Variants in NTRK3 observed in about 807,000 individuals in gnomAD.
The protein encoded by NTRK3 is NT-3 growth factor receptor.
In NTRK3, 24 loss-of-function variants were observed where a neutral mutation model predicts 91.7. The observed-to-expected ratio is 0.26, with a 90% CI of 0.19 to 0.37. The LOEUF (loss-of-function observed/expected upper bound fraction) is 0.37. Ranked by LOEUF, NTRK3 falls within the 10% of genes least tolerant of loss-of-function variation. The pLI is 1.00. For synonymous variants in NTRK3, 483 were observed against 404.0 expected, an observed-to-expected ratio of 1.20 and a Z score of -2.34; for missense variants, 880 against 1,068.9, an observed-to-expected ratio of 0.82 and a Z score of 2.46.
At chr15:87,963,903 G>C (rs1047698991) in intron 14 of NTRK3, among the ~76,000 whole-genome samples, 7 of 152,080 alleles carry the variant, frequency 4.6e-5, no homozygotes, top group African/African-American at 1.7e-4. Flanking sequence ...CATTTATTTA[G>C]TTTCAATATA....
exon 19 of NTRK3, chr15:87,872,516 C>T (rs963647743): frequency 1.7e-5 from 4 of 228,604 alleles, no homozygotes; most frequent in African/African-American, 8.9e-5. Flanking sequence ...GCAGGCCTCT[C>T]TCCATATCTT....
intron 13 of NTRK3, among the ~76,000 whole-genome samples, chr15:88,106,888 G>A (rs538137015): frequency 1.2e-4 from 18 of 150,816 alleles, no homozygotes; most frequent in African/African-American, 3.2e-4. Context: ...AGCTGAGATC[G>A]CACCACTGCA....
chr15:88,175,929 G>A (rs919853159), intron 5 of NTRK3, among the ~76,000 whole-genome samples: 2 of 152,112 alleles, frequency 1.3e-5, no homozygotes, highest in Non-Finnish European at 2.9e-5. Context: ...GTGGGTTAGA[G>A]GCAATAGCTT....
chr15:88,203,173 C>T (rs1442958225), intron 3 of NTRK3, among the ~76,000 whole-genome samples: 4 of 152,190 alleles, frequency 2.6e-5, no homozygotes, highest in South Asian at 4.2e-4. Context: ...ACACACTCTT[C>T]CTGACTTCCC....
chr15:88,063,451 C>G (rs1004705159), intron 13 of NTRK3, among the ~76,000 whole-genome samples: 1 of 152,230 alleles, frequency 6.6e-6, no homozygotes. Context: ...AGCCCAGAAG[C>G]CACTTTTCTC....
chr15:87,872,256 AATCTCAAG>A lies in NTRK3; in HGVS notation c.*4671_*4678del, dbSNP rs202224006. ...CGAGCAAAGCACTAAAAAGACCCTT[AATCTCAAG>A]ACTGTCCATTGCAATCACTGTACTT... is the stretch of plus-strand genomic sequence containing the variant. On this transcript the variant is annotated 3_prime_UTR_variant, in exon 19 of 19. Coordinates refer to ENST00000394480, the Ensembl canonical transcript of NTRK3. 2.9e-3 allele frequency: 638 copies of A among 219,620 alleles called. 2 individuals carry two copies. The highest frequency in any genetic ancestry group is 0.012 in the African/African-American group (551 of 44,720). 13.6% of individuals were successfully genotyped at this position (219,620 alleles called of 1,614,324 possible).
At chr15:88,106,160 T>A (rs1446061359) in intron 13 of NTRK3, among the ~76,000 whole-genome samples, 1 of 152,240 alleles carries the variant, frequency 6.6e-6, no homozygotes. Flanking sequence ...GCCTCTGAAA[T>A]GCCCCACAGT....
chr15:88,010,668 T>C (rs889192366), intron 14 of NTRK3, among the ~76,000 whole-genome samples: 13 of 152,166 alleles, frequency 8.5e-5, no homozygotes, highest in African/African-American at 2.9e-4. Context: ...ATGCATTATA[T>C]TTTTGTCCAC....
chr15:88,088,920 TA>T (rs2048753974), intron 13 of NTRK3, among the ~76,000 whole-genome samples: 1 of 152,148 alleles, frequency 6.6e-6, no homozygotes, highest in South Asian at 2.1e-4. Context: ...AAAATGGAAC[TA>T]AAAATATTAC....
chr15:87,862,317 CT>C, exon 19 of NTRK3: 3 of 224,472 alleles, frequency 1.3e-5, no homozygotes, highest in Non-Finnish European at 1.8e-5. Flanking sequence ...CTCTGTCCTA[CT>C]TTTTCCACCT....
intron 14 of NTRK3, among the ~76,000 whole-genome samples, chr15:87,963,433 ATCTCAT>A (rs1412299107): frequency 2.6e-5 from 4 of 152,214 alleles, no homozygotes; most frequent in Admixed American, 1.3e-4. Flanking sequence ...ACTGTGGGGA[ATCTCAT>A]TCTCATATAT....
intron 14 of NTRK3, among the ~76,000 whole-genome samples, chr15:88,001,251 A>G (rs2076080100): frequency 6.6e-6 from 1 of 152,152 alleles, no homozygotes; most frequent in Non-Finnish European, 1.5e-5. Flanking sequence ...CCCTTATCAG[A>G]TATGATTTAC....
chr15:87,867,717 C>G lies in NTRK3; in HGVS notation c.*9218G>C, dbSNP rs545929036. ...TCACGTTCTAATTCAATTTGAGTGT[C>G]TGAGCTTCATATCTGACTACTTGTT... is the stretch of plus-strand genomic sequence containing the variant. On this transcript the variant is annotated 3_prime_UTR_variant, in exon 19 of 19. Transcript: ENST00000394480. 4.4e-5 allele frequency: 10 copies of G among 228,864 alleles called. No homozygotes were observed. In the East Asian group the frequency reaches 5.6e-4, roughly 13 times the overall value. 14.2% of individuals were successfully genotyped at this position (228,864 alleles called of 1,614,324 possible).
intron 17 of NTRK3, among the ~76,000 whole-genome samples, chr15:87,908,730 A>G (rs1170290772): frequency 2.6e-5 from 4 of 152,206 alleles, no homozygotes; most frequent in Non-Finnish European, 5.9e-5. Context: ...TTTGTCCTGC[A>G]TCATTAGGGA....
chr15:88,108,314 C>A (rs1567423859), intron 13 of NTRK3, among the ~76,000 whole-genome samples: 1 of 152,236 alleles, frequency 6.6e-6, no homozygotes, highest in Non-Finnish European at 1.5e-5. Flanking sequence ...CTGTCACTAC[C>A]TGCCCGGAGT....
At chr15:88,221,848 C>T (rs955305459) in intron 3 of NTRK3, among the ~76,000 whole-genome samples, 4 of 152,052 alleles carry the variant, frequency 2.6e-5, no homozygotes, top group African/African-American at 4.8e-5. Context: ...CTGTTGAGAC[C>T]GATTAGGCTG....
At chr15:88,122,837 A>G (rs546976633) in intron 13 of NTRK3, among the ~76,000 whole-genome samples, 1 of 152,246 alleles carries the variant, frequency 6.6e-6, no homozygotes, top group Non-Finnish European at 1.5e-5. Context: ...TATAAGCTGT[A>G]CTTTTTTTAT....
At chr15:88,146,910 T>C (rs1449062981) in intron 6 of NTRK3, among the ~76,000 whole-genome samples, 2 of 152,146 alleles carry the variant, frequency 1.3e-5, no homozygotes, top group African/African-American at 4.8e-5. Context: ...TCCTCACCCA[T>C]AAAATGCAGA....
chr15:88,080,405 C>A (rs2047940387), intron 13 of NTRK3, among the ~76,000 whole-genome samples: 1 of 152,172 alleles, frequency 6.6e-6, no homozygotes, highest in Non-Finnish European at 1.5e-5. Flanking sequence ...TGGGGGAGAA[C>A]AGAATCTTGT....
Sources: allele counts gnomAD v4.1 joint callset (sites outside exome capture counted in the v4.1 genomes callset), GRCh38; gene constraint gnomAD v4.1.1; transcripts MANE v1.5; gene names NCBI Gene and HGNC (gene_info 2026-07-23, HGNC 2026-07-21).